The following RAB2B variants were observed in gnomAD, a reference collection of about 807,000 sequenced individuals.
RAB2B encodes the protein ras-related protein Rab-2B.
In RAB2B, 20 loss-of-function variants were observed where a neutral mutation model predicts 29.8. The ratio of observed to expected loss-of-function variants is 0.67; its 90% CI spans 0.47 to 0.97. The LOEUF is 0.97. RAB2B is among the 50% of genes least tolerant of loss of function. The pLI, the probability that RAB2B is intolerant of heterozygous loss-of-function variation, is 0.00. For synonymous variants in RAB2B, 93 were observed against 91.7 expected (o/e 1.01, Z -0.08); for missense variants, 218 against 272.0 (o/e 0.80, Z 1.40).
At chr14:21,462,558 G>A (rs921517687) in intron 6 of RAB2B, 140 bp from the exon 7 acceptor site, 12 of 772,070 alleles carry the variant, frequency 1.6e-5, no homozygotes, top group African/African-American at 5.5e-5. Context: ...ATAGAAGGTC[G>A]GTTGGGTGCG....
intron 3 of RAB2B, 27 bp from the exon 4 acceptor site, chr14:21,468,779 A>C: frequency 1.4e-6 from 2 of 1,471,458 alleles, no homozygotes; most frequent in Non-Finnish European, 1.8e-6. Flanking sequence ...GCAACAAAAA[A>C]TCCCAACAAA....
At chr14:21,461,852 G>A (rs935000099) in intron 7 of RAB2B, among the ~76,000 whole-genome samples, 1 of 152,178 alleles carries the variant, frequency 6.6e-6, no homozygotes, top group Non-Finnish European at 1.5e-5. Flanking sequence ...TTATAAGCAT[G>A]AGCCGCCACA....
intron 3 of RAB2B, among the ~76,000 whole-genome samples, chr14:21,473,901 A>G (rs935361387): frequency 6.6e-6 from 1 of 152,134 alleles, no homozygotes; most frequent in East Asian, 1.9e-4. Flanking sequence ...AGTCCCAGCT[A>G]TTCGGGAGGC....
chr14:21,464,994 G>C (rs1890654749), intron 5 of RAB2B, among the ~76,000 whole-genome samples: 1 of 148,384 alleles, frequency 6.7e-6, no homozygotes, highest in African/African-American at 2.5e-5. Flanking sequence ...ACGAGACCTT[G>C]TCGCAAAAAA....
rs1183558820 is a variant in RAB2B at position 21,476,890 on chromosome 14, G to C, written c.-18C>G. 1.2e-6 allele frequency: 2 copies of C among 1,613,028 alleles called. No individual in the cohort carries two copies. The highest frequency in any genetic ancestry group is 1.3e-5 in the African/African-American group (1 of 74,878). On this transcript the variant is annotated 5_prime_UTR_variant, in exon 1 of 8. Transcript: ENST00000397762. ...TAAGTCATGGTGTCGCGTCCTCTGG[G>C]TTCCGGGTCCGCCCGACTTCTATAG...
At position 21,476,912 on chromosome 14, in the gene RAB2B, A is replaced by G; in HGVS notation, c.-40T>C. The stretch of plus-strand genomic sequence containing the variant: ...TGGGTTCCGGGTCCGCCCGACTTCT[A>G]TAGCCACTTACCTCCGACCTCTCTA... On this transcript the variant is annotated 5_prime_UTR_variant, in exon 1 of 8. Transcript: ENST00000397762. 1 of 1,608,660 alleles carries G rather than the reference A, an allele frequency of 6.2e-7. No homozygotes were observed. The highest frequency in any genetic ancestry group is 8.5e-7 in the Non-Finnish European group (1 of 1,176,682).
At chr14:21,476,401 T>G in intron 2 of RAB2B, 127 bp downstream of exon 2, 1 of 910,136 alleles carries the variant, frequency 1.1e-6, no homozygotes, top group Non-Finnish European at 1.7e-6. Flanking sequence ...TTAACATAAG[T>G]TTGGACTAGT....
At chr14:21,461,532 C>T (rs11845999) in intron 7 of RAB2B, among the ~76,000 whole-genome samples, 3,414 of 152,176 alleles carry the variant, frequency 0.022, 132 homozygotes, top group African/African-American at 0.078. Flanking sequence ...AGATGACTAC[C>T]TGTGGTCTAA....
chr14:21,474,805 G>C, intron 3 of RAB2B, 62 bp downstream of exon 3: 7 of 1,360,072 alleles, frequency 5.1e-6, no homozygotes, highest in Non-Finnish European at 7.4e-6. Context: ...CCTTTCCTTT[G>C]CATCAGCTTT....
At position 21,459,108 on chromosome 14, in the gene RAB2B, G is replaced by A. The variant is rs1034058913; in HGVS notation, c.*2088C>T. The A allele has an allele frequency of 2.0e-5, 3 of 152,628 alleles. No individual in the cohort carries two copies. Among genetic ancestry groups the A allele is most frequent in the Non-Finnish European group, 4.4e-5 (3 of 68,040 alleles). 9.5% of individuals were successfully genotyped at this position (152,628 alleles called of 1,614,324 possible). A position where few individuals can be genotyped will look rare whatever the true frequency, so the allele number is the denominator to read the frequency against. ...AAAATTCGTAAGACCTCAGGGCTGT[G>A]GAAGAGAACGGGACATCAAGGAAAA... On this transcript the variant is annotated 3_prime_UTR_variant, in exon 8 of 8. Coordinates refer to ENST00000397762, the MANE Select transcript of RAB2B (RefSeq NM_032846.4).
intron 6 of RAB2B, 119 bp downstream of exon 6, chr14:21,463,537 G>A (rs922483380): frequency 1.5e-5 from 11 of 749,082 alleles, no homozygotes; most frequent in Middle Eastern, 2.4e-4. Context: ...ATGAGCCACC[G>A]CGCTCGGCCA....
chr14:21,469,695 A>G (rs1457537411), intron 3 of RAB2B, among the ~76,000 whole-genome samples: 2 of 152,134 alleles, frequency 1.3e-5, no homozygotes, highest in Non-Finnish European at 2.9e-5. Context: ...TTATCCTTAC[A>G]TCCCTACATA....
intron 3 of RAB2B, among the ~76,000 whole-genome samples, chr14:21,473,455 C>T (rs114046391): frequency 1.6e-3 from 246 of 152,320 alleles, no homozygotes; most frequent in African/African-American, 5.5e-3. Flanking sequence ...CAAAACTACA[C>T]TAAGCCAAGC....
At chr14:21,476,758 C>T (rs1890984948) in intron 1 of RAB2B, 69 bp downstream of exon 1, 1 of 1,599,226 alleles carries the variant, frequency 6.3e-7, no homozygotes, top group Non-Finnish European at 8.6e-7. Context: ...GTGAGCCCCG[C>T]CCCCGCCACC....
At position 21,474,870 on chromosome 14, in the gene RAB2B, A is replaced by G; in HGVS notation, c.183T>C (p.Asp61=). 1 of 1,613,120 alleles carries G rather than the reference A, an allele frequency of 6.2e-7. No homozygotes were observed. Among genetic ancestry groups the G allele is most frequent in the Non-Finnish European group, 8.5e-7 (1 of 1,179,118 alleles). The change falls in exon 3 of 8, where the codon GAT becomes GAC. Residue 61 remains aspartate, a synonymous_variant. Coordinates refer to ENST00000397762, the MANE Select transcript of RAB2B (RefSeq NM_032846.4). ...DGKQIKLQIW[D]TAGQESFRSI... ...CTAAATTATTTTGTACTCTCACCGT[A>G]TCCCAGATTTGCAGTTTGATTTGTT...
At chr14:21,468,186 T>G (rs1039714811) in intron 5 of RAB2B, among the ~76,000 whole-genome samples, 171 bp downstream of exon 5, 2 of 152,116 alleles carry the variant, frequency 1.3e-5, no homozygotes, top group African/African-American at 2.4e-5. Flanking sequence ...ACTGTATGCT[T>G]AAAAATAGTT....
intron 2 of RAB2B, among the ~76,000 whole-genome samples, chr14:21,475,138 G>C (rs962265402): frequency 6.6e-6 from 1 of 152,140 alleles, no homozygotes; most frequent in Non-Finnish European, 1.5e-5. Flanking sequence ...AAAAAATTGT[G>C]CTCAATGACC....
intron 2 of RAB2B, among the ~76,000 whole-genome samples, chr14:21,475,756 CT>C (rs1275338133): frequency 6.6e-6 from 1 of 152,186 alleles, no homozygotes; most frequent in African/African-American, 2.4e-5. Flanking sequence ...AAATCCTTTT[CT>C]AACCCCATCA....
chr14:21,471,559 A>C (rs1456920239), intron 3 of RAB2B, among the ~76,000 whole-genome samples: 1 of 151,508 alleles, frequency 6.6e-6, no homozygotes, highest in Non-Finnish European at 1.5e-5. Context: ...TTGAGGGTGC[A>C]ATGAGTGGAG....
Sources: gnomAD v4.1 joint callset for allele counts (sites outside exome capture counted in the v4.1 genomes callset) on GRCh38, gnomAD v4.1.1 for gene constraint, MANE v1.5 for transcripts, NCBI Gene and HGNC (gene_info 2026-07-23, HGNC 2026-07-21) for gene names.